AKR1A1: variants seen among roughly 807,000 people sequenced by gnomAD.
AKR1A1 encodes HEL-S-165mP.
A neutral mutation model predicts 39.2 loss-of-function variants in AKR1A1; 26 were observed. The ratio of observed to expected loss-of-function variants is 0.66; its 90% CI spans 0.49 to 0.92. The LOEUF is 0.92. Among genes scored for constraint, AKR1A1 ranks in the 40% least tolerant of loss-of-function variants. The pLI is 0.00. For synonymous variants in AKR1A1, 141 were observed against 155.5 expected, an observed-to-expected ratio of 0.91 and a Z score of 0.69; for missense variants, 378 against 406.5, an observed-to-expected ratio of 0.93 and a Z score of 0.60.
intron 5 of AKR1A1, 106 bp from the exon 6 acceptor site, chr1:45,568,379 G>C: frequency 7.5e-7 from 1 of 1,324,830 alleles, no homozygotes; most frequent in Non-Finnish European, 1.1e-6. Flanking sequence ...GGCTGAAGGG[G>C]AGTGGAGGAG....
intron 1 of AKR1A1, among the ~76,000 whole-genome samples, chr1:45,552,016 T>TGTAC (rs763849394): frequency 4.6e-5 from 7 of 151,762 alleles, no homozygotes; most frequent in Admixed American, 1.3e-4. Flanking sequence ...TATGTATGTA[T>TGTAC]GTATGGGACA....
intron 2 of AKR1A1, among the ~76,000 whole-genome samples, chr1:45,563,322 C>T (rs555739645): frequency 6.6e-6 from 1 of 151,732 alleles, no homozygotes; most frequent in South Asian, 2.1e-4. Context: ...ATTGCTTGAA[C>T]CTGGGAGGCA....
intron 1 of AKR1A1, among the ~76,000 whole-genome samples, chr1:45,555,466 A>G (rs1386725555): frequency 6.6e-6 from 1 of 152,200 alleles, no homozygotes; most frequent in African/African-American, 2.4e-5. Context: ...CAGCCTGGGC[A>G]ACAAGAGTGA....
Position 45,568,686 on chromosome 1 carries a change from T to TA in AKR1A1, c.752+3dup. ...ATCTCCAGCTCAGATCTTGCTCAGG[T>TA]ATGGGGCAGTCTTAGGGAGAGGGCC... On this transcript the variant is annotated splice_region_variant and intron_variant, in intron 6 of 8. Transcript: ENST00000351829. 1 of 1,613,166 alleles carries TA rather than the reference T, an allele frequency of 6.2e-7. No homozygotes were observed.
chr1:45,551,288 T>G (rs1347431512), intron 1 of AKR1A1, 133 bp downstream of exon 1: 1 of 150,384 alleles, frequency 6.6e-6, no homozygotes, highest in Non-Finnish European at 1.5e-5. Flanking sequence ...GGTTTCGGAT[T>G]TGAGCTCTTC....
intron 1 of AKR1A1, among the ~76,000 whole-genome samples, chr1:45,560,725 CTTTTTTTTTTTT>C (rs565611681): frequency 1.7e-5 from 2 of 114,342 alleles, no homozygotes; most frequent in South Asian, 2.9e-4. Context: ...CTCTGCAGTT[CTTTTTTTTTTTT>C]TTTTTTTTGA....
At chr1:45,552,200 A>T (rs1644139858) in intron 1 of AKR1A1, among the ~76,000 whole-genome samples, 1 of 151,760 alleles carries the variant, frequency 6.6e-6, no homozygotes, top group African/African-American at 2.4e-5. Flanking sequence ...TTAGAGATGG[A>T]TGGGGGTCTC....
Position 45,554,809 on chromosome 1 carries a change from G to GC in AKR1A1, c.-7+3659dup, listed in dbSNP as rs550010776. On this transcript the variant is annotated intron_variant, in intron 1 of 8. Coordinates refer to ENST00000351829, the MANE Select transcript of AKR1A1 (RefSeq NM_153326.3). ...AGGCTCAAGGGATCCTCCTGCCTCA[G>GC]CCCCCTGAGTAGCTAGGACCATAGA... Among the ~76,000 whole-genome samples the GC allele has an allele frequency of 9.2e-5, 14 of 152,158 alleles. No individual in the cohort carries two copies. In the East Asian group the frequency reaches 2.5e-3, roughly 27 times the overall value.
At chr1:45,567,437 T>C (rs1438409852) in intron 4 of AKR1A1, 6 of 171,418 alleles carry the variant, frequency 3.5e-5, no homozygotes, top group Non-Finnish European at 5.0e-5. Context: ...GAAGACTTCC[T>C]AGGGGAGAGG....
At chr1:45,556,520 G>A (rs573245327) in intron 1 of AKR1A1, among the ~76,000 whole-genome samples, 1 of 152,064 alleles carries the variant, frequency 6.6e-6, no homozygotes, top group Admixed American at 6.5e-5. Flanking sequence ...AGTGGAGGTT[G>A]CAGTGAGCCA....
In AKR1A1 at chr1:45,567,079, A is replaced by C. The variant is rs1644354197; in HGVS notation, c.356+59A>C. 3.2e-6 allele frequency: 5 copies of C among 1,580,192 alleles called. No homozygotes were observed. The Admixed American group carries it at 7.0e-5, about 22-fold the overall frequency. ...GGGGGTTGAGCAGGATGGTGTTAGT[A>C]ACTTATTGTAAGTCACAGCAGCAGA... is the stretch of plus-strand genomic sequence containing the variant. On this transcript the variant is annotated intron_variant, in intron 4 of 8. Transcript: ENST00000351829.
intron 2 of AKR1A1, among the ~76,000 whole-genome samples, chr1:45,562,221 A>T (rs1246287535): frequency 6.6e-6 from 1 of 151,890 alleles, no homozygotes; most frequent in Non-Finnish European, 1.5e-5. Context: ...GGGTTCTTTG[A>T]GGGCTCAGCC....
chr1:45,561,273 G>A (rs956125712), intron 1 of AKR1A1, among the ~76,000 whole-genome samples: 1 of 152,158 alleles, frequency 6.6e-6, no homozygotes, highest in East Asian at 1.9e-4. Flanking sequence ...CAGCCAGGCT[G>A]GTGGTCTGGT....
intron 4 of AKR1A1, chr1:45,567,674 A>C (rs1274557224): frequency 5.2e-6 from 1 of 190,724 alleles, no homozygotes; most frequent in Non-Finnish European, 1.1e-5. Context: ...AAAAATACAA[A>C]AAATTAGCTG....
chr1:45,569,215 G>A lies in AKR1A1; in HGVS notation c.898G>A (p.Val300Met). ...CCTGAACAAAAATTGGAGATATATTGTGCCTATGCTTACGGTGAGGATGTA... is the reference window on the plus strand; with the variant it reads ...CCTGAACAAAAATTGGAGATATATTATGCCTATGCTTACGGTGAGGATGTA... ...NALNKNWRYI[V>M]PMLTVDGKRV... Residue 300 changes from valine (V) to methionine (M), a missense_variant, in exon 8 of 9, where the codon GTG becomes ATG. Val to Met is a conservative substitution (Grantham distance 21). Coordinates refer to ENST00000351829, the MANE Select transcript of AKR1A1 (RefSeq NM_153326.3). 1 of 1,613,952 alleles carries A rather than the reference G, an allele frequency of 6.2e-7. No individual in the cohort carries two copies. Among genetic ancestry groups the A allele is most frequent in the Non-Finnish European group, 8.5e-7 (1 of 1,179,856 alleles).
chr1:45,569,223 G>A lies in AKR1A1; in HGVS notation c.906G>A (p.Met302Ile). 6.2e-7 allele frequency: 1 copy of A among 1,613,574 alleles called. No homozygotes were observed. Among genetic ancestry groups the A allele is most frequent in the South Asian group, 1.1e-5 (1 of 91,072 alleles). Residue 302 changes from methionine to isoleucine, a missense_variant, in exon 8 of 9, where the codon ATG becomes ATA. Coordinates refer to ENST00000351829, the MANE Select transcript of AKR1A1 (RefSeq NM_153326.3). ...LNKNWRYIVP[M>I]LTVDGKRVPR... ...AAAATTGGAGATATATTGTGCCTAT[G>A]CTTACGGTGAGGATGTATCAGCCTC... is the stretch of plus-strand genomic sequence containing the variant.
At chr1:45,565,043 C>T (rs1264479965) in intron 2 of AKR1A1, among the ~76,000 whole-genome samples, 4 of 150,642 alleles carry the variant, frequency 2.7e-5, no homozygotes, top group Non-Finnish European at 4.4e-5. Context: ...AGGATGGTCT[C>T]GATCTCCTGA....
At chr1:45,552,197 T>G (rs934071416) in intron 1 of AKR1A1, among the ~76,000 whole-genome samples, 1 of 151,956 alleles carries the variant, frequency 6.6e-6, no homozygotes, top group African/African-American at 2.4e-5. Flanking sequence ...TTTTTAGAGA[T>G]GGATGGGGGT....
intron 1 of AKR1A1, among the ~76,000 whole-genome samples, chr1:45,558,833 G>A (rs592214): frequency 0.52 from 79,443 of 151,842 alleles, 21,068 homozygotes; most frequent in East Asian, 0.62. Context: ...CCTGGCCACA[G>A]CTTGTCTTAT....
Sources: gnomAD v4.1 joint callset for allele counts (sites outside exome capture counted in the v4.1 genomes callset) on GRCh38, gnomAD v4.1.1 for gene constraint, MANE v1.5 for transcripts, NCBI Gene and HGNC (gene_info 2026-07-23, HGNC 2026-07-21) for gene names.